The following EVC variants were observed in gnomAD, a reference collection of about 807,000 sequenced individuals.
EVC encodes the protein EvC ciliary complex subunit 1, also known as evC complex member EVC.
EVC carries 116 observed loss-of-function variants against 118.9 expected under a neutral mutation model. The ratio of observed to expected loss-of-function variants is 0.98; its 90% confidence interval spans 0.84 to 1.14. EVC has a LOEUF of 1.14. Among genes scored for constraint, EVC ranks in the 50% most tolerant of loss-of-function variants. The pLI is 0.00. For synonymous variants in EVC, 619 were observed against 534.7 expected, an observed-to-expected ratio of 1.16 and a Z score of -2.18; for missense variants, 1,401 against 1,246.4, an observed-to-expected ratio of 1.12 and a Z score of -1.87.
chr4:5,802,722 G>C (rs1715228252), intron 16 of EVC, among the ~76,000 whole-genome samples: 1 of 152,168 alleles, frequency 6.6e-6, no homozygotes, highest in East Asian at 1.9e-4. Context: ...ATGAGACTCT[G>C]ATGCCACTGC....
At chr4:5,818,937 C>T (rs1236864048), downstream of EVC, among the ~76,000 whole-genome samples, 1 of 152,200 alleles carries the variant, frequency 6.6e-6, no homozygotes, top group Non-Finnish European at 1.5e-5. Context: ...CTACCCCACC[C>T]ACCTTCACCC....
At chr4:5,728,560 T>C (rs1475977028) in intron 2 of EVC, among the ~76,000 whole-genome samples, 1 of 152,196 alleles carries the variant, frequency 6.6e-6, no homozygotes, top group Non-Finnish European at 1.5e-5. Flanking sequence ...TTGAATACCC[T>C]TTATTTCCTA....
chr4:5,804,118 A>G (rs972894785), intron 16 of EVC, among the ~76,000 whole-genome samples: 1 of 152,032 alleles, frequency 6.6e-6, no homozygotes, highest in African/African-American at 2.4e-5. Context: ...TTGTACTTTT[A>G]GTAGAGACAG....
chr4:5,736,630 C>T (rs772339037), intron 5 of EVC, among the ~76,000 whole-genome samples: 91 of 150,936 alleles, frequency 6.0e-4, no homozygotes, highest in South Asian at 4.2e-3. Context: ...TTTGGTAATT[C>T]TTGCAATATT....
rs952827109 is a variant in EVC, at chr4:5,814,261, T to G, written c.*3224T>G. The G allele has an allele frequency of 6.6e-6, 1 of 152,208 alleles. No homozygotes were observed. The highest frequency in any genetic ancestry group is 1.5e-5 in the Non-Finnish European group (1 of 68,054). 9.4% of individuals were successfully genotyped at this position (152,208 alleles called of 1,614,324 possible). A position where few individuals can be genotyped will look rare whatever the true frequency, so the allele number is the denominator to read the frequency against. On this transcript the variant is annotated 3_prime_UTR_variant, in exon 21 of 21. Coordinates refer to ENST00000264956, the MANE Select transcript of EVC (RefSeq NM_153717.3). ...GGATTTGGAAGGGGACCATGAGAGA[T>G]GATGTATTATGATGAACTCATGATT...
At chr4:5,760,112 G>C (rs892052617) in intron 11 of EVC, among the ~76,000 whole-genome samples, 6 of 152,122 alleles carry the variant, frequency 3.9e-5, no homozygotes, top group African/African-American at 9.7e-5. Context: ...TGAGCAGAGA[G>C]ATAACTGTGA....
At chr4:5,716,094 C>G in intron 1 of EVC, among the ~76,000 whole-genome samples, 1 of 152,152 alleles carries the variant, frequency 6.6e-6, no homozygotes, top group African/African-American at 2.4e-5. Flanking sequence ...TCACCTGGCA[C>G]AGTAAGACCA....
intron 11 of EVC, among the ~76,000 whole-genome samples, chr4:5,772,021 C>T (rs750237479): frequency 3.3e-5 from 5 of 151,978 alleles, no homozygotes; most frequent in Admixed American, 6.6e-5. Context: ...TCTCAGCCTC[C>T]CGGGTAGCTG....
chr4:5,753,342 C>G (rs1234059307), intron 9 of EVC, among the ~76,000 whole-genome samples: 1 of 152,204 alleles, frequency 6.6e-6, no homozygotes, highest in Non-Finnish European at 1.5e-5. Context: ...GCAAAGCCAC[C>G]AGGAACTGCA....
chr4:5,770,690 A>G (rs528748086), intron 11 of EVC, among the ~76,000 whole-genome samples: 4 of 152,192 alleles, frequency 2.6e-5, no homozygotes, highest in Non-Finnish European at 5.9e-5. Context: ...ATATTGATGA[A>G]TACACAAATC....
At chr4:5,784,594 C>A (rs1180151610) in intron 12 of EVC, among the ~76,000 whole-genome samples, 3 of 147,536 alleles carry the variant, frequency 2.0e-5, no homozygotes, top group Non-Finnish European at 4.5e-5. Context: ...GAAACTAATA[C>A]AATACACATT....
intron 12 of EVC, among the ~76,000 whole-genome samples, chr4:5,788,633 C>G (rs983563024): frequency 2.0e-5 from 3 of 152,234 alleles, no homozygotes; most frequent in African/African-American, 7.2e-5. Flanking sequence ...CTTTCACACC[C>G]TACATCGGTG....
chr4:5,799,481 C>G (rs1037459011), intron 15 of EVC, among the ~76,000 whole-genome samples: 1 of 152,188 alleles, frequency 6.6e-6, no homozygotes, highest in African/African-American at 2.4e-5. Context: ...TTTCCAGCCT[C>G]CAACCTAGTG....
chr4:5,787,749 C>T (rs978232459), intron 12 of EVC, among the ~76,000 whole-genome samples: 6 of 152,144 alleles, frequency 3.9e-5, no homozygotes, highest in African/African-American at 1.4e-4. Flanking sequence ...CTTAGCATAA[C>T]AGTAAAGAAC....
At chr4:5,713,389 A>G (rs1214117363) in intron 1 of EVC, among the ~76,000 whole-genome samples, 1 of 152,166 alleles carries the variant, frequency 6.6e-6, no homozygotes, top group East Asian at 1.9e-4. Context: ...GCAAAAGATA[A>G]TGCCCAGGCT....
chr4:5,713,886 A>G (rs1723492211), intron 1 of EVC, among the ~76,000 whole-genome samples: 1 of 151,964 alleles, frequency 6.6e-6, no homozygotes, highest in African/African-American at 2.4e-5. Context: ...CTGGGCAACA[A>G]GAATGAAACT....
At chr4:5,779,449 G>A (rs929492667) in intron 11 of EVC, among the ~76,000 whole-genome samples, 3 of 150,058 alleles carry the variant, frequency 2.0e-5, no homozygotes, top group Admixed American at 2.0e-4. Flanking sequence ...CCATTTTCAC[G>A]ATATTGATTC....
intron 1 of EVC, among the ~76,000 whole-genome samples, chr4:5,715,271 C>G (rs1277090496): frequency 1.3e-5 from 2 of 152,188 alleles, no homozygotes; most frequent in Non-Finnish European, 2.9e-5. Context: ...CTGACAAGCT[C>G]TAGTTTGAGC....
intron 1 of EVC, among the ~76,000 whole-genome samples, chr4:5,713,450 A>G (rs1723379172): frequency 6.6e-6 from 1 of 152,132 alleles, no homozygotes; most frequent in South Asian, 2.1e-4. Flanking sequence ...GGCCAAGGCG[A>G]GCTGTTCAAC....
Sources: allele counts gnomAD v4.1 joint callset (sites outside exome capture counted in the v4.1 genomes callset), GRCh38; gene constraint gnomAD v4.1.1; transcripts MANE v1.5; gene names NCBI Gene and HGNC (gene_info 2026-07-23, HGNC 2026-07-21).